Variants in IBTK observed in about 807,000 individuals in gnomAD.
IBTK encodes inhibitor of Bruton tyrosine kinase.
Under a neutral mutation model 154.9 loss-of-function variants are expected in IBTK, and 83 were observed. The ratio of observed to expected loss-of-function variants is 0.54; its 90% CI spans 0.45 to 0.64. The LOEUF (loss-of-function observed/expected upper bound fraction) is 0.64, where lower values mean the gene tolerates loss of function less well. Ranked by LOEUF, IBTK falls within the 30% of genes least tolerant of loss-of-function variation. The pLI, the probability that IBTK is intolerant of heterozygous loss-of-function variation, is 0.00. For missense variants in IBTK, 1,332 were observed against 1,584.6 expected (o/e 0.84, Z 2.71); for synonymous variants, 515 against 536.1 (o/e 0.96, Z 0.54).
chr6:82,221,491 A>ACTG (rs1263739384), intron 8 of IBTK, among the ~76,000 whole-genome samples: 4 of 152,244 alleles, frequency 2.6e-5, no homozygotes, highest in Non-Finnish European at 4.4e-5. Context: ...AATCATCTGT[A>ACTG]CTGCTATTCA....
At chr6:82,233,369 C>T (rs1770589404) in intron 3 of IBTK, among the ~76,000 whole-genome samples, 1 of 152,008 alleles carries the variant, frequency 6.6e-6, no homozygotes, top group African/African-American at 2.4e-5. Context: ...GAGACCCTAT[C>T]TCAAAAATAA....
chr6:82,232,961 T>C (rs1770565118), intron 3 of IBTK, among the ~76,000 whole-genome samples: 1 of 152,100 alleles, frequency 6.6e-6, no homozygotes. Flanking sequence ...GAGACCAACC[T>C]GACCAACATG....
At chr6:82,222,847 T>G (rs1024188837) in intron 8 of IBTK, among the ~76,000 whole-genome samples, 2 of 151,492 alleles carry the variant, frequency 1.3e-5, no homozygotes, top group African/African-American at 4.9e-5. Context: ...GAGGGACGCT[T>G]GAACCCAGGA....
At chr6:82,220,484 G>T in intron 9 of IBTK, 106 bp downstream of exon 9, 2 of 1,182,414 alleles carry the variant, frequency 1.7e-6, no homozygotes, top group Non-Finnish European at 2.3e-6. Context: ...AATCATCAAA[G>T]TCAATAGGAA....
chr6:82,214,188 G>C, intron 12 of IBTK, 39 bp downstream of exon 12: 1 of 1,540,830 alleles, frequency 6.5e-7, no homozygotes, highest in African/African-American at 1.4e-5. Context: ...AAGGAGGACT[G>C]AATGAGGTAC....
At chr6:82,237,302 G>A (rs1770752664) in intron 2 of IBTK, among the ~76,000 whole-genome samples, 1 of 151,550 alleles carries the variant, frequency 6.6e-6, no homozygotes. Context: ...ATGGAGCTGA[G>A]AGATGCTTTA....
At chr6:82,200,810 C>T in intron 19 of IBTK, 102 bp from the exon 20 acceptor site, 1 of 1,304,120 alleles carries the variant, frequency 7.7e-7, no homozygotes, top group Non-Finnish European at 9.9e-7. Flanking sequence ...CCATGTTGGC[C>T]AGGCTGTTTG....
chr6:82,239,094 A>T (rs1051795442), intron 2 of IBTK, among the ~76,000 whole-genome samples: 1 of 152,086 alleles, frequency 6.6e-6, no homozygotes, highest in Non-Finnish European at 1.5e-5. Context: ...GAAATGAAAC[A>T]TACTACTCAA....
At chr6:82,232,725 A>C (rs1770554417) in intron 3 of IBTK, among the ~76,000 whole-genome samples, 1 of 152,196 alleles carries the variant, frequency 6.6e-6, no homozygotes, top group South Asian at 2.1e-4. Context: ...TGAATAAAAA[A>C]ATAATTGGAG....
intron 2 of IBTK, 58 bp downstream of exon 2, chr6:82,240,108 T>A (rs1191070754): frequency 1.4e-6 from 2 of 1,437,514 alleles, no homozygotes; most frequent in Admixed American, 4.1e-5. Context: ...TGTATGAAAA[T>A]GATTAAGAAA....
At position 82,202,647 on chromosome 6, in the gene IBTK, T is replaced by G; in HGVS notation, c.2612-2A>C. The G allele has an allele frequency of 6.5e-7, 1 of 1,542,918 alleles. No homozygotes were observed. Among genetic ancestry groups the G allele is most frequent in the Non-Finnish European group, 8.8e-7 (1 of 1,137,462 alleles). Reference sequence around the variant, plus strand: ...GCATAGCAGCATTCTTCAGGGTAACTACAAAGAAAGAAAAGATTTGCAAAA... The same window carrying G: ...GCATAGCAGCATTCTTCAGGGTAACGACAAAGAAAGAAAAGATTTGCAAAA... On this transcript the variant is annotated splice_acceptor_variant, in intron 17 of 28. Transcript: ENST00000306270. LOFTEE classifies it high-confidence loss of function.
At chr6:82,208,204 T>A (rs1212102298) in intron 16 of IBTK, among the ~76,000 whole-genome samples, 1 of 151,250 alleles carries the variant, frequency 6.6e-6, no homozygotes, top group East Asian at 1.9e-4. Flanking sequence ...TCTATATATA[T>A]AAATATAGAT....
rs542915558 is a variant in IBTK, at chr6:82,243,379, A to G, written c.-357-2536T>C. On this transcript the variant is annotated intron_variant, in intron 1 of 28. Transcript: ENST00000306270. ...CTTTCTATGGTTTCTATTACCCACA[A>G]TCAACCATAGTCCAAAAATATTAAA... Among the ~76,000 whole-genome samples the G allele has an allele frequency of 6.6e-5, 10 of 152,338 alleles. No homozygotes were observed. The East Asian group carries it at 1.7e-3, about 26-fold the overall frequency.
In IBTK at chr6:82,240,348, T is replaced by A. The variant is rs759663459; in HGVS notation, c.139A>T (p.Ile47Phe). The A allele has an allele frequency of 1.2e-6, 2 of 1,614,076 alleles. No homozygotes were observed. The highest frequency in any genetic ancestry group is 1.7e-6 in the Non-Finnish European group (2 of 1,180,042). ...LSSHCYNAAT[I>F]KDVFGRNALH... Reference sequence around the variant, plus strand: ...GCATTCCTGCCAAAAACATCCTTGATAGTTGCAGCATTGTAACAATGACTG... The same window carrying A: ...GCATTCCTGCCAAAAACATCCTTGAAAGTTGCAGCATTGTAACAATGACTG... The change falls in exon 2 of 29, where the codon ATC (isoleucine) becomes TTC (phenylalanine). Residue 47 changes from isoleucine (I) to phenylalanine (F), a missense_variant. Ile to Phe is a conservative substitution (Grantham distance 21). Around this residue, in one of 3 missense-constraint regions of IBTK, gnomAD observed 84 missense variants for 96.2 expected, o/e 0.87. Transcript: ENST00000306270.
intron 26 of IBTK, among the ~76,000 whole-genome samples, chr6:82,181,207 T>C (rs1422840023): frequency 6.6e-6 from 1 of 152,064 alleles, no homozygotes; most frequent in Admixed American, 6.6e-5. Flanking sequence ...CTGGGCAACA[T>C]AATGAGACCC....
At chr6:82,200,293 G>C in intron 20 of IBTK, 40 bp from the exon 21 acceptor site, 1 of 1,380,882 alleles carries the variant, frequency 7.2e-7, no homozygotes. Context: ...TGTTTAGGGA[G>C]GTAACTAAGA....
At chr6:82,191,752 A>G (rs1159742430) in intron 24 of IBTK, 35 bp downstream of exon 24, 1 of 1,232,086 alleles carries the variant, frequency 8.1e-7, no homozygotes, top group Non-Finnish European at 1.2e-6. Flanking sequence ...CAGAAATACA[A>G]CATGAAATGA....
At chr6:82,202,469 G>C (rs986746240) in intron 18 of IBTK, 59 bp downstream of exon 18, 7 of 875,496 alleles carry the variant, frequency 8.0e-6, no homozygotes, top group Admixed American at 1.9e-5. Flanking sequence ...AATAATATCT[G>C]CTATTATATA....
intron 2 of IBTK, among the ~76,000 whole-genome samples, chr6:82,235,533 G>A (rs1283559616): frequency 6.6e-6 from 1 of 152,038 alleles, no homozygotes; most frequent in African/African-American, 2.4e-5. Flanking sequence ...CACAGAGGTT[G>A]CAGTGAACCG....
Sources: gnomAD v4.1 joint callset for allele counts (sites outside exome capture counted in the v4.1 genomes callset) on GRCh38, gnomAD v4.1.1 for gene constraint, gnomAD v4.1.1 regional missense constraint, MANE v1.5 for transcripts, NCBI Gene and HGNC (gene_info 2026-07-23, HGNC 2026-07-21) for gene names.